Variants in VPS4B observed in about 807,000 individuals in gnomAD.
VPS4B encodes the protein vacuolar protein sorting 4 homolog B, also known as vacuolar protein sorting-associated protein 4B.
Under a neutral mutation model 56.1 loss-of-function variants are expected in VPS4B, and 23 were observed. The observed-to-expected ratio is 0.41, with a 90% CI of 0.30 to 0.58. The LOEUF (loss-of-function observed/expected upper bound fraction) is 0.58. Among genes scored for constraint, VPS4B ranks in the 20% least tolerant of loss-of-function variants. The pLI is 0.29. For synonymous variants in VPS4B, 177 were observed against 186.0 expected (o/e 0.95, Z 0.39); for missense variants, 372 against 531.9 (o/e 0.70, Z 2.96).
In VPS4B at chr18:63,411,473, C is replaced by T. The variant is rs1317631687; in HGVS notation, c.133G>A (p.Val45Ile). 4.5e-6 allele frequency: 7 copies of T among 1,544,562 alleles called. No homozygotes were observed. The highest frequency in any genetic ancestry group is 2.3e-5 in the East Asian group (1 of 43,682). Residue 45 changes from valine (V) to isoleucine (I), a missense_variant, in exon 2 of 11, where the codon GTT (valine) becomes ATT (isoleucine). Coordinates refer to ENST00000238497, the MANE Select transcript of VPS4B (RefSeq NM_004869.4). ...QHAVQYFLHV[V>I]KYEAQGDKAK... is the part of the protein sequence containing the mutation. ...ATATAACCTATGGCCTCACATTTAA[C>T]GACATGAAGAAAATACTGCACAGCA...
At chr18:63,400,300 A>G (rs1249701174) in intron 6 of VPS4B, 104 bp from the exon 7 acceptor site, 11 of 1,272,202 alleles carry the variant, frequency 8.6e-6, no homozygotes, top group African/African-American at 3.1e-5. Flanking sequence ...AAGCCTAATC[A>G]TGTTTCAGGT....
intron 10 of VPS4B, among the ~76,000 whole-genome samples, chr18:63,392,141 G>T (rs1238204091): frequency 2.0e-5 from 3 of 152,038 alleles, no homozygotes; most frequent in Non-Finnish European, 4.4e-5. Flanking sequence ...TTCTCCTCTG[G>T]AAGTTACTAT....
chr18:63,422,333 C>CG lies in VPS4B; in HGVS notation c.-75dup. The CG allele has an allele frequency of 1.4e-6, 2 of 1,392,604 alleles. No individual in the cohort carries two copies. The highest frequency in any genetic ancestry group is 9.5e-7 in the Non-Finnish European group (1 of 1,056,868). 86.3% of individuals were successfully genotyped at this position (1,392,604 alleles called of 1,614,324 possible). A position where few individuals can be genotyped will look rare whatever the true frequency, so the allele number is the denominator to read the frequency against. On this transcript the variant is annotated 5_prime_UTR_variant, in exon 1 of 11. Coordinates refer to ENST00000238497, the MANE Select transcript of VPS4B (RefSeq NM_004869.4). ...AACAGCAGCAACGTCGAAGCGCGCA[C>CG]GGGGTAACAGCCCTCAAACTGGGGA... is the stretch of plus-strand genomic sequence containing the variant.
At chr18:63,393,647 A>G (rs1380207185) in intron 9 of VPS4B, 98 bp from the exon 10 acceptor site, 24 of 1,169,242 alleles carry the variant, frequency 2.1e-5, no homozygotes, top group Non-Finnish European at 2.7e-5. Context: ...ATAGTTTTGT[A>G]TGTTTTATTA....
intron 7 of VPS4B, 87 bp from the exon 8 acceptor site, chr18:63,399,410 G>T: frequency 8.4e-7 from 1 of 1,184,466 alleles, no homozygotes; most frequent in Non-Finnish European, 1.2e-6. Flanking sequence ...GAAATGTGGT[G>T]CTTTACCATT....
intron 8 of VPS4B, among the ~76,000 whole-genome samples, chr18:63,397,884 C>T (rs879737557): frequency 6.6e-6 from 1 of 152,084 alleles, no homozygotes; most frequent in Non-Finnish European, 1.5e-5. Flanking sequence ...TTAAAGTTTC[C>T]GTTGCCTCTA....
intron 6 of VPS4B, 109 bp from the exon 7 acceptor site, chr18:63,400,305 T>G (rs1915781575): frequency 8.0e-7 from 1 of 1,251,458 alleles, no homozygotes; most frequent in Non-Finnish European, 1.1e-6. Context: ...TAATCATGTT[T>G]CAGGTACAGA....
rs1279689745 is a variant in VPS4B at position 63,396,973 on chromosome 18, G to A, written c.1092+61C>T. The A allele has an allele frequency of 6.6e-6, 10 of 1,522,298 alleles. No individual in the cohort carries two copies. The African/African-American group carries it at 1.3e-4, about 20-fold the overall frequency. 94.3% of individuals were successfully genotyped at this position (1,522,298 alleles called of 1,614,324 possible). On this transcript the variant is annotated intron_variant, in intron 9 of 10. Coordinates refer to ENST00000238497, the MANE Select transcript of VPS4B (RefSeq NM_004869.4). ...CCACTGCACTCCAGCCTGGGCAACA[G>A]AGTGAGACTGTCTCAAAAAAAAAAA...
intron 10 of VPS4B, among the ~76,000 whole-genome samples, chr18:63,391,493 T>C (rs1004947772): frequency 2.0e-5 from 3 of 152,250 alleles, no homozygotes; most frequent in Non-Finnish European, 2.9e-5. Context: ...CCTTGCGAAG[T>C]GCTGGGATTA....
At chr18:63,420,964 G>A (rs190783853) in intron 1 of VPS4B, among the ~76,000 whole-genome samples, 16 of 151,554 alleles carry the variant, frequency 1.1e-4, no homozygotes, top group Non-Finnish European at 1.8e-4. Flanking sequence ...CTTGAACCTG[G>A]GAGGTGGAGG....
At chr18:63,411,079 T>A (rs745707079) in intron 2 of VPS4B, among the ~76,000 whole-genome samples, 1 of 152,192 alleles carries the variant, frequency 6.6e-6, no homozygotes, top group Non-Finnish European at 1.5e-5. Flanking sequence ...CAAAAGAACA[T>A]CTTCAATCAT....
At chr18:63,397,899 T>C (rs561785720) in intron 8 of VPS4B, among the ~76,000 whole-genome samples, 1 of 152,244 alleles carries the variant, frequency 6.6e-6, no homozygotes, top group African/African-American at 2.4e-5. Context: ...CCTCTAGAGA[T>C]GGGTGCAGAA....
chr18:63,414,896 G>T (rs530609934), intron 1 of VPS4B, among the ~76,000 whole-genome samples: 2 of 152,298 alleles, frequency 1.3e-5, no homozygotes, highest in Admixed American at 1.3e-4. Context: ...ACTGCAGTGG[G>T]TATTATTTAA....
rs1261191830 is a variant in VPS4B, at chr18:63,408,603, A to T, written c.297-1104T>A. Reference sequence around the variant, plus strand: ...GCGAAGGCACTGGTTTTGCTGAGGGAGCTGCGCAGAGGATTTACTACCTGC... The same window carrying T: ...GCGAAGGCACTGGTTTTGCTGAGGGTGCTGCGCAGAGGATTTACTACCTGC... On this transcript the variant is annotated intron_variant, in intron 3 of 10. Coordinates refer to ENST00000238497, the MANE Select transcript of VPS4B (RefSeq NM_004869.4). 7.2e-5 allele frequency among the ~76,000 whole-genome samples: 11 copies of T among 152,148 alleles called. 1 individual carries two copies. The highest frequency in any genetic ancestry group is 5.9e-4 in the Admixed American group (9 of 15,256).
chr18:63,411,436 T>C lies in VPS4B; in HGVS notation c.139+31A>G, dbSNP rs757358762. Reference sequence around the variant, plus strand: ...AACAGAATAAATTTTCCTTTTCGTGTTTTTAAATAAAATATAACCTATGGC... The same window carrying C: ...AACAGAATAAATTTTCCTTTTCGTGCTTTTAAATAAAATATAACCTATGGC... On this transcript the variant is annotated intron_variant, in intron 2 of 10. Coordinates refer to ENST00000238497, the MANE Select transcript of VPS4B (RefSeq NM_004869.4). 2.1e-6 allele frequency: 3 copies of C among 1,433,516 alleles called. No homozygotes were observed. The Admixed American group carries it at 7.4e-5, about 36-fold the overall frequency. The allele number at this position is 1,433,516 out of a possible 1,614,324, so 88.8% of individuals were successfully genotyped here. A position where few individuals can be genotyped will look rare whatever the true frequency, so the allele number is the denominator to read the frequency against.
Position 63,406,321 on chromosome 18 carries a change from T to C in VPS4B, c.364+1111A>G, listed in dbSNP as rs1915915313. Reference sequence around the variant, plus strand: ...TGTTCTCTATTCATTACCTGGTCTGTTGTCAACACATTATCCTTACAGTGT... The same window carrying C: ...TGTTCTCTATTCATTACCTGGTCTGCTGTCAACACATTATCCTTACAGTGT... On this transcript the variant is annotated intron_variant, in intron 4 of 10. Transcript: ENST00000238497. Among the ~76,000 whole-genome samples, 3 of 152,220 alleles carry C rather than the reference T, an allele frequency of 2.0e-5. No individual in the cohort carries two copies. In the South Asian group the frequency reaches 6.2e-4, roughly 32 times the overall value.
chr18:63,391,292 G>T (rs1380607159), intron 10 of VPS4B, among the ~76,000 whole-genome samples: 1 of 148,408 alleles, frequency 6.7e-6, no homozygotes, highest in African/African-American at 2.5e-5. Context: ...GCAGTGGCGT[G>T]ATCTTGGCTC....
In VPS4B at chr18:63,389,628, T is replaced by G. The variant is rs1303211474; in HGVS notation, c.*1347A>C. 2 of 152,670 alleles carry G rather than the reference T, an allele frequency of 1.3e-5. No individual in the cohort carries two copies. The highest frequency in any genetic ancestry group is 2.9e-5 in the Non-Finnish European group (2 of 68,040). 9.5% of individuals were successfully genotyped at this position (152,670 alleles called of 1,614,324 possible). A position where few individuals can be genotyped will look rare whatever the true frequency, so the allele number is the denominator to read the frequency against. ...TATTAAAATAGCATCGTTTATTATT[T>G]TTTAATGAGTCATGAGCTCATTTCT... On this transcript the variant is annotated 3_prime_UTR_variant, in exon 11 of 11. Transcript: ENST00000238497.
intron 9 of VPS4B, among the ~76,000 whole-genome samples, chr18:63,394,867 G>A (rs528576922): frequency 2.0e-5 from 3 of 152,254 alleles, no homozygotes; most frequent in Admixed American, 2.0e-4. Flanking sequence ...CTTATTATGT[G>A]TATTTTACTG....
Sources: allele counts gnomAD v4.1 joint callset (sites outside exome capture counted in the v4.1 genomes callset), GRCh38; gene constraint gnomAD v4.1.1; transcripts MANE v1.5; gene names NCBI Gene and HGNC (gene_info 2026-07-23, HGNC 2026-07-21).